PIGN: variants seen among roughly 807,000 people sequenced by gnomAD.
The protein encoded by PIGN is phosphatidylinositol glycan anchor biosynthesis class N.
Under a neutral mutation model 125.4 loss-of-function variants are expected in PIGN, and 117 were observed. That is an observed-to-expected ratio of 0.93 (90% CI 0.80 to 1.09). The LOEUF (loss-of-function observed/expected upper bound fraction) is 1.09, where lower values mean the gene tolerates loss of function less well. PIGN is among the 50% of genes least tolerant of loss of function. PIGN has a pLI of 0.00. For synonymous variants in PIGN, 392 were observed against 377.8 expected (o/e 1.04, Z -0.44); for missense variants, 1,075 against 1,094.9 (o/e 0.98, Z 0.26).
intron 7 of PIGN, among the ~76,000 whole-genome samples, chr18:62,151,203 T>A (rs2036524571): frequency 6.6e-6 from 1 of 152,184 alleles, no homozygotes. Flanking sequence ...TTACAGGTAG[T>A]TAGACAGGCA....
At chr18:62,135,834 G>A (rs557398960) in intron 14 of PIGN, 2 of 151,926 alleles carry the variant, frequency 1.3e-5, no homozygotes, top group South Asian at 4.2e-4. Context: ...CACCACACTG[G>A]CCAGGCTCCT....
intron 4 of PIGN, among the ~76,000 whole-genome samples, chr18:62,160,295 T>C (rs1568243494): frequency 6.6e-6 from 1 of 152,204 alleles, no homozygotes; most frequent in Non-Finnish European, 1.5e-5. Context: ...CAATTGTTTG[T>C]AGGCCCTTTG....
At chr18:62,185,374 A>G (rs1364110208) in intron 1 of PIGN, among the ~76,000 whole-genome samples, 1 of 152,192 alleles carries the variant, frequency 6.6e-6, no homozygotes, top group African/African-American at 2.4e-5. Flanking sequence ...AACATTGGGA[A>G]CTAATGTCCT....
intron 14 of PIGN, among the ~76,000 whole-genome samples, chr18:62,133,752 C>T (rs2035824749): frequency 6.6e-6 from 1 of 151,920 alleles, no homozygotes; most frequent in African/African-American, 2.4e-5. Flanking sequence ...TGAATTTGTG[C>T]CAATGATTAG....
chr18:62,099,896 A>C (rs1053784411), intron 22 of PIGN, among the ~76,000 whole-genome samples: 11 of 152,180 alleles, frequency 7.2e-5, no homozygotes, highest in Admixed American at 6.5e-5. Flanking sequence ...ACTTCAGGAC[A>C]GTAGTCTGAC....
intron 1 of PIGN, among the ~76,000 whole-genome samples, chr18:62,172,313 A>G (rs959623573): frequency 2.6e-5 from 4 of 152,134 alleles, no homozygotes; most frequent in Non-Finnish European, 4.4e-5. Context: ...ATCCAGTCTA[A>G]GGGCAAGTAT....
intron 14 of PIGN, 33 bp from the exon 15 acceptor site, chr18:62,114,672 T>G: frequency 9.6e-7 from 1 of 1,044,668 alleles, no homozygotes; most frequent in Non-Finnish European, 1.4e-6. Context: ...GTTTAAAGGG[T>G]TTCCTCATTC....
At position 62,146,969 on chromosome 18, in the gene PIGN, AC is replaced by A. The variant is rs1293299216; in HGVS notation, c.805+1del. 6.2e-7 allele frequency: 1 copy of A among 1,610,952 alleles called. No individual in the cohort carries two copies. The highest frequency in any genetic ancestry group is 2.2e-5 in the East Asian group (1 of 44,678). ...GTACATATCAATTAAAGACACACTA[AC>A]CCCAGTCTGTCATTCCATGGTCAGA... On this transcript the variant is annotated splice_donor_variant, in intron 9 of 30. Coordinates refer to ENST00000640252, the MANE Select transcript of PIGN (RefSeq NM_176787.5). LOFTEE classifies it high-confidence loss of function.
rs560438401 is a variant in PIGN, at chr18:62,088,961, AAATAAACAATAAAC to A, written c.2284-133_2284-120del. On this transcript the variant is annotated intron_variant, in intron 24 of 30. Transcript: ENST00000640252. ...AGAAACATGCCCTGTGCTGACAAAA[AAATAAACAATAAAC>A]AATAAACAATAAATCTTTCCCTAGG... The A allele has an allele frequency of 6.5e-6, 4 of 619,552 alleles. No individual in the cohort carries two copies. The East Asian group carries it at 1.1e-4, about 18-fold the overall frequency. The allele number at this position is 619,552 out of a possible 1,614,324, so 38.4% of individuals were successfully genotyped here.
intron 30 of PIGN, among the ~76,000 whole-genome samples, chr18:62,060,862 T>C (rs2032080161): frequency 6.6e-6 from 1 of 152,224 alleles, no homozygotes; most frequent in Non-Finnish European, 1.5e-5. Flanking sequence ...AAAATGTACT[T>C]TCAGTATGCC....
chr18:62,113,559 T>C (rs1197873084), intron 15 of PIGN, among the ~76,000 whole-genome samples: 1 of 152,154 alleles, frequency 6.6e-6, no homozygotes, highest in Non-Finnish European at 1.5e-5. Flanking sequence ...ATGTAAACTA[T>C]TTGTGTTGTA....
intron 14 of PIGN, among the ~76,000 whole-genome samples, chr18:62,121,491 T>C (rs1246650938): frequency 6.6e-6 from 1 of 152,210 alleles, no homozygotes; most frequent in African/African-American, 2.4e-5. Flanking sequence ...AATTATTCCA[T>C]GATGCAGAAA....
chr18:62,169,297 T>C (rs966849759), intron 1 of PIGN, among the ~76,000 whole-genome samples: 3 of 152,234 alleles, frequency 2.0e-5, no homozygotes, highest in South Asian at 2.1e-4. Context: ...CTTTTTATTA[T>C]TGAGCATTAT....
At chr18:62,106,177 G>A (rs12607219) in intron 19 of PIGN, among the ~76,000 whole-genome samples, 1 of 151,860 alleles carries the variant, frequency 6.6e-6, no homozygotes, top group Non-Finnish European at 1.5e-5. Context: ...TTAAAAGATC[G>A]ATAATCCCAT....
At chr18:62,135,436 C>G (rs1049652905) in intron 14 of PIGN, among the ~76,000 whole-genome samples, 11 of 151,912 alleles carry the variant, frequency 7.2e-5, no homozygotes, top group African/African-American at 1.7e-4. Context: ...TCCCGCCAGA[C>G]CCCCAGAGGA....
chr18:62,089,416 G>C (rs2033859418), intron 24 of PIGN, among the ~76,000 whole-genome samples: 2 of 152,032 alleles, frequency 1.3e-5, no homozygotes, highest in Admixed American at 1.3e-4. Flanking sequence ...TGAATTTAAA[G>C]GTAGACTTTC....
intron 15 of PIGN, 99 bp from the exon 16 acceptor site, chr18:62,113,415 G>T: frequency 4.0e-6 from 3 of 752,578 alleles, no homozygotes; most frequent in African/African-American, 1.8e-5. Flanking sequence ...CCAAACTGTT[G>T]TATTAAAATT....
At chr18:62,082,161 A>G (rs1192696286) in intron 28 of PIGN, among the ~76,000 whole-genome samples, 1 of 152,176 alleles carries the variant, frequency 6.6e-6, no homozygotes, top group Admixed American at 6.5e-5. Flanking sequence ...AAATTCCTCA[A>G]AACTCAGAAA....
At chr18:62,134,255 T>C (rs1223586702) in intron 14 of PIGN, among the ~76,000 whole-genome samples, 1 of 151,978 alleles carries the variant, frequency 6.6e-6, no homozygotes, top group Non-Finnish European at 1.5e-5. Flanking sequence ...TAGCTGGGCG[T>C]GGTGGCGTGC....
Sources: gnomAD v4.1 joint callset for allele counts (sites outside exome capture counted in the v4.1 genomes callset) on GRCh38, gnomAD v4.1.1 for gene constraint, MANE v1.5 for transcripts, NCBI Gene and HGNC (gene_info 2026-07-23, HGNC 2026-07-21) for gene names.